The following TRPM1 variants were observed in gnomAD, a reference collection of about 807,000 sequenced individuals.
The protein encoded by TRPM1 is transient receptor potential cation channel subfamily M member 1.
In TRPM1, 113 loss-of-function variants were observed where a neutral mutation model predicts 149.4. That is an observed-to-expected ratio of 0.76 (90% CI 0.65 to 0.88). The LOEUF (loss-of-function observed/expected upper bound fraction) is 0.88. Ranked by LOEUF, TRPM1 falls within the 40% of genes least tolerant of loss-of-function variation. The pLI is 0.00. For missense variants in TRPM1, 1,976 were observed against 2,038.7 expected (o/e 0.97, Z 0.59); for synonymous variants, 741 against 759.5 (o/e 0.98, Z 0.40).
intron 27 of TRPM1, among the ~76,000 whole-genome samples, chr15:31,011,754 T>G (rs1227014885): frequency 6.6e-6 from 1 of 151,194 alleles, no homozygotes; most frequent in African/African-American, 2.4e-5. Flanking sequence ...AACCTCTGCC[T>G]CCTAGGTTCA....
intron 1 of TRPM1, among the ~76,000 whole-genome samples, chr15:31,131,915 G>C (rs2141043809): frequency 6.6e-6 from 1 of 151,318 alleles, no homozygotes. Flanking sequence ...TGACAGCTTG[G>C]TTAAAATGAA....
At chr15:31,067,224 AC>A in intron 5 of TRPM1, 37 bp from the exon 6 acceptor site, 3 of 1,614,036 alleles carry the variant, frequency 1.9e-6, no homozygotes, top group Non-Finnish European at 2.5e-6. Flanking sequence ...AGGCTCTTTT[AC>A]TTCCCAGCAC....
intron 1 of TRPM1, among the ~76,000 whole-genome samples, chr15:31,145,294 T>C (rs2036211139): frequency 6.6e-6 from 1 of 152,218 alleles, no homozygotes; most frequent in South Asian, 2.1e-4. Context: ...CTTAAAGCTG[T>C]GGACAGCCTT....
At position 31,072,018 on chromosome 15, in the gene TRPM1, TAGAGAGAG is replaced by T. The variant is rs61039099; in HGVS notation, c.84-1800_84-1793del. Among the ~76,000 whole-genome samples, 287 of 36,796 alleles carry T rather than the reference TAGAGAGAG, an allele frequency of 7.8e-3. 5 individuals are homozygous for T. Among genetic ancestry groups the T allele is most frequent in the South Asian group, 0.011 (9 of 788 alleles). The allele number at this position is 36,796 out of a possible 152,430, so 24.1% of individuals were successfully genotyped here. A position where few individuals can be genotyped will look rare whatever the true frequency, so the allele number is the denominator to read the frequency against. ...ATATATATATATATATATATATATA[TAGAGAGAG>T]AGAGAGAGAGAGAGAGAGAGAGAGA... On this transcript the variant is annotated intron_variant, in intron 3 of 27. Transcript: ENST00000256552.
chr15:31,066,947 G>GA, intron 6 of TRPM1, 116 bp downstream of exon 6: 1 of 1,372,594 alleles, frequency 7.3e-7, no homozygotes, highest in Non-Finnish European at 1.0e-6. Context: ...GGAGGAATGG[G>GA]AAAGGCTGCA....
At chr15:31,126,870 G>A (rs1436790541) in intron 1 of TRPM1, among the ~76,000 whole-genome samples, 1 of 152,164 alleles carries the variant, frequency 6.6e-6, no homozygotes, top group Non-Finnish European at 1.5e-5. Context: ...AGGAGGCTGA[G>A]GCACAAGAAT....
intron 21 of TRPM1, among the ~76,000 whole-genome samples, chr15:31,034,035 C>A (rs1295855369): frequency 6.6e-6 from 1 of 152,106 alleles, no homozygotes; most frequent in Non-Finnish European, 1.5e-5. Context: ...ACAATTACTG[C>A]AAAATAATAG....
chr15:31,117,119 G>A (rs2035809904), intron 1 of TRPM1, among the ~76,000 whole-genome samples: 1 of 152,220 alleles, frequency 6.6e-6, no homozygotes, highest in African/African-American at 2.4e-5. Context: ...GGAGGCCGAG[G>A]TGGGTGGATC....
intron 1 of TRPM1, among the ~76,000 whole-genome samples, chr15:31,129,592 AC>A (rs1470006340): frequency 6.6e-6 from 1 of 152,250 alleles, no homozygotes; most frequent in East Asian, 1.9e-4. Flanking sequence ...AAGTGGTTCA[AC>A]ATAATACCAT....
At chr15:31,083,913 G>A (rs574996456) in intron 1 of TRPM1, among the ~76,000 whole-genome samples, 1 of 152,302 alleles carries the variant, frequency 6.6e-6, no homozygotes, top group South Asian at 2.1e-4. Flanking sequence ...GCTGGTGTGA[G>A]AGCCTAGTGA....
chr15:31,108,460 C>T (rs1199346794), intron 1 of TRPM1, among the ~76,000 whole-genome samples: 2 of 152,136 alleles, frequency 1.3e-5, no homozygotes, highest in African/African-American at 4.8e-5. Context: ...GAACTTTCCA[C>T]ATCTCTTGCT....
chr15:31,156,195 CAAA>C (rs35981768), intron 1 of TRPM1, among the ~76,000 whole-genome samples: 806 of 36,526 alleles, frequency 0.022, 7 homozygotes, highest in African/African-American at 0.078. Flanking sequence ...AGACCTCTGT[CAAA>C]AAAAAAAAAA....
intron 27 of TRPM1, among the ~76,000 whole-genome samples, chr15:31,008,843 T>C (rs1390260743): frequency 6.6e-6 from 1 of 152,254 alleles, no homozygotes; most frequent in African/African-American, 2.4e-5. Flanking sequence ...CCCTTTCCCA[T>C]AGCCCTTTGT....
At chr15:31,081,679 C>T (rs2034863234) in intron 1 of TRPM1, among the ~76,000 whole-genome samples, 4 of 152,156 alleles carry the variant, frequency 2.6e-5, no homozygotes, top group Admixed American at 2.0e-4. Context: ...GAGGCAGCAG[C>T]CCCCTTCAGT....
chr15:31,029,484 A>G, intron 23 of TRPM1, 93 bp from the exon 24 acceptor site: 1 of 1,291,960 alleles, frequency 7.7e-7, no homozygotes, highest in Non-Finnish European at 1.1e-6. Flanking sequence ...AGAAAAGTAA[A>G]ACAAGTGGTT....
At chr15:31,014,050 A>G (rs2032276043) in intron 27 of TRPM1, among the ~76,000 whole-genome samples, 1 of 152,198 alleles carries the variant, frequency 6.6e-6, no homozygotes, top group Non-Finnish European at 1.5e-5. Context: ...AAATGAGCTT[A>G]TAGCCTTCTC....
intron 1 of TRPM1, among the ~76,000 whole-genome samples, chr15:31,143,212 G>A (rs1451799990): frequency 6.6e-6 from 1 of 152,196 alleles, no homozygotes; most frequent in Non-Finnish European, 1.5e-5. Flanking sequence ...CTATTGGACT[G>A]AGTAAGAAAG....
intron 2 of TRPM1, among the ~76,000 whole-genome samples, chr15:31,078,327 C>T (rs558269987): frequency 6.6e-6 from 1 of 152,102 alleles, no homozygotes; most frequent in South Asian, 2.1e-4. Context: ...GAGGTCATGC[C>T]GATGCCCCAT....
rs1314049379 is a variant in TRPM1 at position 31,144,552 on chromosome 15, T to C, written c.54+16354A>G. ...TGCTGCAATTATATAATTAATTATG[T>C]AAATAAGGTCAATGAGACTAAATTT... On this transcript the variant is annotated intron_variant, in intron 1 of 26. Transcript: ENST00000542188. Among the ~76,000 whole-genome samples, 3 of 152,072 alleles carry C rather than the reference T, an allele frequency of 2.0e-5. No homozygotes were observed. The East Asian group carries it at 5.8e-4, about 29-fold the overall frequency.
Sources: allele counts gnomAD v4.1 joint callset (sites outside exome capture counted in the v4.1 genomes callset), GRCh38; gene constraint gnomAD v4.1.1; transcripts MANE v1.5; gene names NCBI Gene and HGNC (gene_info 2026-07-23, HGNC 2026-07-21).